The following SPEF2 variants were observed in gnomAD, a reference collection of about 807,000 sequenced individuals.
The protein encoded by SPEF2 is sperm flagella and cilia-associated protein 2.
In SPEF2, 187 loss-of-function variants were observed where a neutral mutation model predicts 224.6. That is an observed-to-expected ratio of 0.83 (90% CI 0.74 to 0.94). The LOEUF (loss-of-function observed/expected upper bound fraction) is 0.94. Among genes scored for constraint, SPEF2 ranks in the 40% least tolerant of loss-of-function variants. SPEF2 has a pLI of 0.00. For missense variants in SPEF2, 2,170 were observed against 2,135.6 expected, an observed-to-expected ratio of 1.02 and a Z score of -0.32; for synonymous variants, 715 against 707.3, an observed-to-expected ratio of 1.01 and a Z score of -0.17.
chr5:35,710,860 T>C (rs1450062466), intron 19 of SPEF2: 1 of 985,294 alleles, frequency 1.0e-6, no homozygotes, highest in East Asian at 1.1e-4. Context: ...AGAGTGGTTG[T>C]ACTTGTCTTT....
chr5:35,807,035 G>A, intron 35 of SPEF2, 83 bp downstream of exon 35: 1 of 1,558,214 alleles, frequency 6.4e-7, no homozygotes, highest in Non-Finnish European at 8.6e-7. Context: ...ATCATAGTAT[G>A]AAATTATACA....
chr5:35,670,582 C>T, intron 10 of SPEF2: 1 of 990,168 alleles, frequency 1.0e-6, no homozygotes, highest in Non-Finnish European at 1.2e-6. Context: ...AAAAGTATTT[C>T]TTTTGTAATC....
intron 19 of SPEF2, among the ~76,000 whole-genome samples, chr5:35,711,918 C>A (rs757833035): frequency 6.6e-6 from 1 of 151,950 alleles, no homozygotes; most frequent in Non-Finnish European, 1.5e-5. Context: ...TAGCCCAGGA[C>A]CAGGGAGGAA....
At chr5:35,756,286 ACTAT>A (rs1333689551) in intron 24 of SPEF2, among the ~76,000 whole-genome samples, 2 of 152,144 alleles carry the variant, frequency 1.3e-5, no homozygotes, top group African/African-American at 2.4e-5. Context: ...AAGGTTTGGA[ACTAT>A]CTGAGGTTTC....
intron 16 of SPEF2, among the ~76,000 whole-genome samples, chr5:35,703,111 T>A (rs1739000857): frequency 1.9e-5 from 2 of 104,812 alleles, no homozygotes; most frequent in South Asian, 2.7e-4. Context: ...TATTTTTTTT[T>A]TTATTCTCTC....
At chr5:35,795,881 G>A (rs1756590887) in intron 33 of SPEF2, 86 bp downstream of exon 33, 2 of 1,156,570 alleles carry the variant, frequency 1.7e-6, no homozygotes, top group East Asian at 4.7e-5. Context: ...ACTTGGCTGT[G>A]GACTGCACCC....
At chr5:35,691,695 G>A (rs895641641) in intron 11 of SPEF2, among the ~76,000 whole-genome samples, 1 of 152,220 alleles carries the variant, frequency 6.6e-6, no homozygotes, top group African/African-American at 2.4e-5. Flanking sequence ...TGCACACATT[G>A]TGAATGTCTA....
intron 19 of SPEF2, chr5:35,710,116 A>T: frequency 1.0e-6 from 1 of 985,384 alleles, no homozygotes; most frequent in African/African-American, 1.7e-5. Flanking sequence ...CAAAATACAC[A>T]CATCCTAAAA....
intron 26 of SPEF2, among the ~76,000 whole-genome samples, chr5:35,767,001 A>G (rs1752177330): frequency 6.6e-6 from 1 of 151,922 alleles, no homozygotes; most frequent in African/African-American, 2.4e-5. Context: ...AAATATATTC[A>G]TTTAAGTGTT....
In SPEF2 at chr5:35,715,816, CT is replaced by C. The variant is rs1554040257; in HGVS notation, c.2914+2947del. The stretch of plus-strand genomic sequence containing the variant: ...TCTGTGAAATAGGGGGATATAATTT[CT>C]TTTTTTTTTTTTTTTTGAGACAGAG... On this transcript the variant is annotated intron_variant, in intron 20 of 36. Coordinates refer to ENST00000356031, the MANE Select transcript of SPEF2 (RefSeq NM_024867.4). Among the ~76,000 whole-genome samples the C allele has an allele frequency of 2.4e-3, 281 of 117,942 alleles. 2 individuals are homozygous for C. The highest frequency in any genetic ancestry group is 6.1e-3 in the African/African-American group (193 of 31,404). The allele number at this position is 117,942 out of a possible 152,430, so 77.4% of individuals were successfully genotyped here.
rs1369397181 is a variant in SPEF2, at chr5:35,790,084, A to G, written c.4448-2256A>G. On this transcript the variant is annotated intron_variant, in intron 30 of 36. Transcript: ENST00000356031. ...GTGAATTCCATTTACTTACACAAGT[A>G]TCCAAATATCCTGACACTAGTCGAC... The G allele has an allele frequency of 4.3e-6, 3 of 702,784 alleles. No individual in the cohort carries two copies. In the African/African-American group the frequency reaches 5.2e-5, roughly 12 times the overall value. 43.5% of individuals were successfully genotyped at this position (702,784 alleles called of 1,614,324 possible).
At chr5:35,789,582 A>C (rs1461115825) in intron 30 of SPEF2, 1 of 646,174 alleles carries the variant, frequency 1.5e-6, no homozygotes, top group African/African-American at 1.8e-5. Context: ...TTCTGCTGTG[A>C]GAAACATTGT....
chr5:35,745,912 A>G (rs928081983), intron 23 of SPEF2, among the ~76,000 whole-genome samples: 1 of 152,232 alleles, frequency 6.6e-6, no homozygotes, highest in African/African-American at 2.4e-5. Context: ...ACTGTCATGG[A>G]GTCCATTGCA....
chr5:35,708,222 T>C (rs1385510448), intron 18 of SPEF2, among the ~76,000 whole-genome samples: 2 of 152,120 alleles, frequency 1.3e-5, no homozygotes, highest in African/African-American at 4.8e-5. Context: ...TTGCTAAGGC[T>C]TAATTGAAGA....
In SPEF2 at chr5:35,799,369, G is replaced by A. The variant is rs1384324182; in HGVS notation, c.4831-599G>A. ...TGCTGCCAAATGCACAAGACCCTGT[G>A]TCAATGTCAGCTCAGGCATTCAGAG... On this transcript the variant is annotated intron_variant, in intron 33 of 36. Coordinates refer to ENST00000356031, the MANE Select transcript of SPEF2 (RefSeq NM_024867.4). 4.6e-5 allele frequency among the ~76,000 whole-genome samples: 7 copies of A among 152,276 alleles called. No homozygotes were observed. In the East Asian group the frequency reaches 1.4e-3, roughly 29 times the overall value.
chr5:35,799,833 A>G (rs762157934), intron 33 of SPEF2, 135 bp from the exon 34 acceptor site: 2 of 852,528 alleles, frequency 2.3e-6, no homozygotes, highest in Non-Finnish European at 3.7e-6. Flanking sequence ...ACCATTCATT[A>G]TATGTTAGCT....
chr5:35,719,628 C>CTT (rs375651496), intron 20 of SPEF2, among the ~76,000 whole-genome samples: 49 of 146,632 alleles, frequency 3.3e-4, no homozygotes, highest in African/African-American at 1.1e-3. Flanking sequence ...GCATTAGTGA[C>CTT]TTTTTTTTTT....
At chr5:35,670,554 C>T (rs914417844) in intron 10 of SPEF2, 1 of 1,000,088 alleles carries the variant, frequency 1.0e-6, no homozygotes, top group Non-Finnish European at 1.2e-6. Context: ...TGTACTTTTG[C>T]TTCAAAAACC....
In SPEF2 at chr5:35,792,339, G is replaced by A; in HGVS notation, c.4448-1G>A. 5 of 1,610,464 alleles carry A rather than the reference G, an allele frequency of 3.1e-6. No homozygotes were observed. Among genetic ancestry groups the A allele is most frequent in the Non-Finnish European group, 4.2e-6 (5 of 1,177,308 alleles). ...ACAAAATATTTTTCATTGTATTATA[G>A]GCATAATAGGAAATAAAGCATTTAC... is the stretch of plus-strand genomic sequence containing the variant. On this transcript the variant is annotated splice_acceptor_variant, in intron 30 of 36. Transcript: ENST00000356031. LOFTEE classifies it high-confidence loss of function.
Sources: gnomAD v4.1 joint callset for allele counts (sites outside exome capture counted in the v4.1 genomes callset) on GRCh38, gnomAD v4.1.1 for gene constraint, MANE v1.5 for transcripts, NCBI Gene and HGNC (gene_info 2026-07-23, HGNC 2026-07-21) for gene names.